Variants in GNAL observed in about 807,000 individuals in gnomAD.
The protein encoded by GNAL is guanine nucleotide-binding protein G(olf) subunit alpha.
A neutral mutation model predicts 55.1 loss-of-function variants in GNAL; 18 were observed. The observed-to-expected ratio is 0.33, with a 90% CI of 0.23 to 0.48. The LOEUF (loss-of-function observed/expected upper bound fraction) is 0.48. GNAL is among the 20% of genes least tolerant of loss of function. GNAL has a pLI of 0.99. For synonymous variants in GNAL, 253 were observed against 237.0 expected (o/e 1.07, Z -0.62); for missense variants, 412 against 614.1 (o/e 0.67, Z 3.48).
At chr18:11,800,986 T>C (rs2034506988) in intron 4 of GNAL, among the ~76,000 whole-genome samples, 1 of 152,186 alleles carries the variant, frequency 6.6e-6, no homozygotes, top group Non-Finnish European at 1.5e-5. Flanking sequence ...ATAATTGATA[T>C]GAATTTTCAA....
chr18:11,853,192 G>A (rs796156051), intron 5 of GNAL: 10 of 167,116 alleles, frequency 6.0e-5, no homozygotes, highest in African/African-American at 2.2e-4. Context: ...GAAAATATAA[G>A]CTGGAATGTT....
intron 5 of GNAL, among the ~76,000 whole-genome samples, chr18:11,846,041 T>C (rs2035727403): frequency 6.6e-6 from 1 of 152,140 alleles, no homozygotes. Flanking sequence ...TACCCACTGT[T>C]AGATCATAGG....
intron 1 of GNAL, among the ~76,000 whole-genome samples, chr18:11,748,345 C>T (rs939857811): frequency 2.6e-5 from 4 of 152,198 alleles, no homozygotes; most frequent in African/African-American, 4.8e-5. Flanking sequence ...CTCAGCCTCT[C>T]AGTCTCTGTA....
intron 4 of GNAL, among the ~76,000 whole-genome samples, chr18:11,802,688 T>G (rs1054769338): frequency 6.6e-6 from 1 of 152,170 alleles, no homozygotes; most frequent in Admixed American, 6.5e-5. Flanking sequence ...TGAAGCTGAG[T>G]CTCTGTTAGG....
At position 11,885,085 on chromosome 18, in the gene GNAL, T is replaced by C. The variant is rs669222; in HGVS notation, c.*3950T>C. ...CCAGGTCGTCTCCATGGGCTTTTCT[T>C]TGCAGATACTTTTATGTGGAACAAC... On this transcript the variant is annotated 3_prime_UTR_variant, in exon 12 of 12. Transcript: ENST00000334049. 0.036 allele frequency: 45,626 copies of C among 1,258,900 alleles called. 2,957 individuals carry two copies. The highest frequency in any genetic ancestry group is 0.22 in the African/African-American group (14,298 of 64,374). 78.0% of individuals were successfully genotyped at this position (1,258,900 alleles called of 1,614,324 possible).
chr18:11,759,180 A>C (rs1003884325), intron 4 of GNAL, among the ~76,000 whole-genome samples: 1 of 152,122 alleles, frequency 6.6e-6, no homozygotes, highest in East Asian at 1.9e-4. Context: ...CTCAAAAAAA[A>C]ACAAAAAGGA....
chr18:11,752,686 C>T lies in GNAL; in HGVS notation c.377-167C>T. On this transcript the variant is annotated intron_variant, in intron 1 of 11. Coordinates refer to ENST00000334049, the MANE Select transcript of GNAL (RefSeq NM_182978.4). This position sits in a 1 kb window ranked among gnomAD's most constrained non-coding sequence, Gnocchi z 4.5. Reference sequence around the variant, plus strand: ...GGCCGGGCGAGGGTCGCGCGCACCTCTGGGCCGCGGAGCCCAGACGGCGGC... The same window carrying T: ...GGCCGGGCGAGGGTCGCGCGCACCTTTGGGCCGCGGAGCCCAGACGGCGGC... 7.8e-7 allele frequency: 1 copy of T among 1,278,002 alleles called. No homozygotes were observed. Among genetic ancestry groups the T allele is most frequent in the Non-Finnish European group, 1.0e-6 (1 of 960,048 alleles). The allele number at this position is 1,278,002 out of a possible 1,614,324, so 79.2% of individuals were successfully genotyped here.
rs188670112 is a variant in GNAL, at chr18:11,768,987, C to A, written c.624+15042C>A. 1.4e-3 allele frequency among the ~76,000 whole-genome samples: 113 copies of A among 78,678 alleles called. 4 individuals carry two copies. The highest frequency in any genetic ancestry group is 0.011 in the African/African-American group (76 of 6,988). The allele number at this position is 78,678 out of a possible 152,430, so 51.6% of individuals were successfully genotyped here. ...TAATATATTATATATATTATATATT[C>A]TATATTATAATATAGAATATATATA... On this transcript the variant is annotated intron_variant, in intron 4 of 11. Transcript: ENST00000334049.
intron 4 of GNAL, among the ~76,000 whole-genome samples, chr18:11,760,642 G>A (rs2033209018): frequency 1.3e-5 from 2 of 152,126 alleles, no homozygotes; most frequent in Non-Finnish European, 2.9e-5. Context: ...AGGGTCTTTG[G>A]GCTTGGCGCT....
At chr18:11,745,011 G>A (rs977078124) in intron 1 of GNAL, among the ~76,000 whole-genome samples, 2 of 152,138 alleles carry the variant, frequency 1.3e-5, no homozygotes, top group African/African-American at 2.4e-5. Context: ...TGTGATGGGC[G>A]CTAAAACTGT....
intron 6 of GNAL, among the ~76,000 whole-genome samples, chr18:11,863,831 T>A (rs1813537378): frequency 6.6e-6 from 1 of 152,160 alleles, no homozygotes; most frequent in South Asian, 2.1e-4. Flanking sequence ...GACTTGTGAG[T>A]GCAGAGTTAC....
chr18:11,743,896 C>A (rs1409899490), intron 1 of GNAL, among the ~76,000 whole-genome samples: 1 of 150,848 alleles, frequency 6.6e-6, no homozygotes, highest in Non-Finnish European at 1.5e-5. Flanking sequence ...CCCACACCTA[C>A]CCTTGCCTCA....
chr18:11,791,456 A>T (rs1167761122), intron 4 of GNAL, among the ~76,000 whole-genome samples: 1 of 152,190 alleles, frequency 6.6e-6, no homozygotes, highest in Admixed American at 6.5e-5. Flanking sequence ...AAGGTTGATT[A>T]TCAAGAGATC....
At chr18:11,819,230 TAAG>T (rs1198334268) in intron 4 of GNAL, among the ~76,000 whole-genome samples, 6 of 152,228 alleles carry the variant, frequency 3.9e-5, no homozygotes, top group African/African-American at 9.6e-5. Flanking sequence ...TTAAAGTAAT[TAAG>T]AAGAATTTAA....
chr18:11,824,926 T>C lies in GNAL; in HGVS notation c.633T>C (p.Phe211=). ...ACTCTTTCAAACTTTAGGAATTCTT[T>C]GACCATGTGAAAAAACTTTGGGACG... is the stretch of plus-strand genomic sequence containing the variant. ...ITDFEYSQEF[F]DHVKKLWDDE... The change falls in exon 5 of 12, where the codon TTT becomes TTC. Residue 211 remains phenylalanine, a synonymous_variant. Coordinates refer to ENST00000334049, the MANE Select transcript of GNAL (RefSeq NM_182978.4). 6.4e-7 allele frequency: 1 copy of C among 1,567,112 alleles called. No homozygotes were observed. Among genetic ancestry groups the C allele is most frequent in the East Asian group, 2.2e-5 (1 of 44,622 alleles).
intron 1 of GNAL, among the ~76,000 whole-genome samples, chr18:11,732,900 TAGAA>T (rs1452400514): frequency 2.0e-5 from 3 of 152,082 alleles, no homozygotes; most frequent in East Asian, 1.9e-4. Context: ...ACAGCAAAAA[TAGAA>T]AGGCGGGAAC....
chr18:11,836,280 C>T (rs2035496778), intron 5 of GNAL, among the ~76,000 whole-genome samples: 1 of 151,972 alleles, frequency 6.6e-6, no homozygotes, highest in South Asian at 2.1e-4. Flanking sequence ...AACCCTGTCT[C>T]TATTAAAAAT....
In GNAL at chr18:11,829,791, C is replaced by G. The variant is rs565291067; in HGVS notation, c.722+4776C>G. 3.3e-5 allele frequency among the ~76,000 whole-genome samples: 5 copies of G among 152,318 alleles called. No individual in the cohort carries two copies. The South Asian group carries it at 1.0e-3, about 32-fold the overall frequency. ...TTGGGAGGCCGAGGCGGGTAGATCA[C>G]TTGAGGTCAGGAGTTCGAGACCAAC... On this transcript the variant is annotated intron_variant, in intron 5 of 11. Coordinates refer to ENST00000334049, the MANE Select transcript of GNAL (RefSeq NM_182978.4).
intron 11 of GNAL, among the ~76,000 whole-genome samples, chr18:11,877,865 A>G (rs632464): frequency 0.56 from 84,979 of 152,134 alleles, 24,884 homozygotes; most frequent in African/African-American, 0.73. Context: ...AGAGGACAAG[A>G]GTTCCCCCAG....
Sources: gnomAD v4.1 joint callset for allele counts (sites outside exome capture counted in the v4.1 genomes callset) on GRCh38, gnomAD v4.1.1 for gene constraint, Gnocchi (gnomAD v3.1) non-coding constraint, MANE v1.5 for transcripts, NCBI Gene and HGNC (gene_info 2026-07-23, HGNC 2026-07-21) for gene names.